Variants in GRID2 observed in about 807,000 individuals in gnomAD.
The protein encoded by GRID2 is glutamate receptor ionotropic, delta-2.
In GRID2, 33 loss-of-function variants were observed where a neutral mutation model predicts 114.8. That is an observed-to-expected ratio of 0.29 (90% CI 0.22 to 0.38). GRID2 has a LOEUF of 0.38. Among genes scored for constraint, GRID2 ranks in the 10% least tolerant of loss-of-function variants. GRID2 has a pLI of 1.00. For synonymous variants in GRID2, 505 were observed against 449.9 expected, an observed-to-expected ratio of 1.12 and a Z score of -1.55; for missense variants, 1,184 against 1,257.7, an observed-to-expected ratio of 0.94 and a Z score of 0.89.
intron 4 of GRID2, among the ~76,000 whole-genome samples, chr4:93,170,921 A>G (rs976284183): frequency 1.3e-5 from 2 of 151,956 alleles, no homozygotes; most frequent in African/African-American, 2.4e-5. Context: ...AAATATACTC[A>G]GAAAATAATG....
At position 93,560,222 on chromosome 4, in the gene GRID2, T is replaced by TAAAAAAAAAAAAAAAAA. The variant is rs70942974; in HGVS notation, c.2193+44826_2193+44842dup. On this transcript the variant is annotated intron_variant, in intron 13 of 15. Coordinates refer to ENST00000282020, the MANE Select transcript of GRID2 (RefSeq NM_001510.4). The stretch of plus-strand genomic sequence containing the variant: ...TACGCATGTATTCCAGAACTTAAAG[T>TAAAAAAAAAAAAAAAAA]AAAAAAAAAAAAAAAAAAAAAAAAA... 5.1e-3 allele frequency among the ~76,000 whole-genome samples: 218 copies of TAAAAAAAAAAAAAAAAA among 42,956 alleles called. 15 individuals are homozygous for TAAAAAAAAAAAAAAAAA. The highest frequency in any genetic ancestry group is 0.026 in the Middle Eastern group (1 of 38). 28.2% of individuals were successfully genotyped at this position (42,956 alleles called of 152,430 possible). A position where few individuals can be genotyped will look rare whatever the true frequency, so the allele number is the denominator to read the frequency against.
chr4:93,487,995 G>C (rs1418662615), intron 11 of GRID2, among the ~76,000 whole-genome samples: 7 of 151,812 alleles, frequency 4.6e-5, no homozygotes, highest in Non-Finnish European at 1.0e-4. Context: ...TCCTTGAGTT[G>C]CAATTTTTAT....
At chr4:92,345,087 A>C (rs1727698275) in intron 1 of GRID2, among the ~76,000 whole-genome samples, 1 of 152,132 alleles carries the variant, frequency 6.6e-6, no homozygotes, top group Non-Finnish European at 1.5e-5. Context: ...ATTCTTATAC[A>C]TTTACAACTT....
chr4:93,043,295 C>G (rs950377161), intron 2 of GRID2, among the ~76,000 whole-genome samples: 1 of 152,146 alleles, frequency 6.6e-6, no homozygotes, highest in African/African-American at 2.4e-5. Flanking sequence ...GATTGACCTT[C>G]TACCAGGTTT....
chr4:93,218,085 A>C (rs992103915), intron 6 of GRID2, among the ~76,000 whole-genome samples: 1 of 152,020 alleles, frequency 6.6e-6, no homozygotes, highest in African/African-American at 2.4e-5. Flanking sequence ...AATTTTTAAA[A>C]AAGGATTTGC....
intron 3 of GRID2, among the ~76,000 whole-genome samples, chr4:93,107,133 T>C (rs559152052): frequency 6.6e-6 from 1 of 152,218 alleles, no homozygotes; most frequent in South Asian, 2.1e-4. Flanking sequence ...ACCCTGTCTC[T>C]ACCGAAAATA....
intron 8 of GRID2, among the ~76,000 whole-genome samples, chr4:93,262,174 G>A (rs1750327379): frequency 6.6e-6 from 1 of 151,774 alleles, no homozygotes; most frequent in South Asian, 2.1e-4. Flanking sequence ...TAAGAATTTG[G>A]TTTCAGGCTT....
At position 92,935,212 on chromosome 4, in the gene GRID2, A is replaced by C. The variant is rs545306758; in HGVS notation, c.245-149783A>C. Among the ~76,000 whole-genome samples, 1,290 of 146,716 alleles carry C rather than the reference A, an allele frequency of 8.8e-3. 52 individuals are homozygous for C. Among genetic ancestry groups the C allele is most frequent in the African/African-American group, 0.03 (1,229 of 41,250 alleles). Reference sequence around the variant, plus strand: ...TACAAGAAAAAAACAACCCCATCAAAAAGTGGGCAAAGGACATGAACAGAC... The same window carrying C: ...TACAAGAAAAAAACAACCCCATCAACAAGTGGGCAAAGGACATGAACAGAC... On this transcript the variant is annotated intron_variant, in intron 2 of 15. Transcript: ENST00000282020.
intron 2 of GRID2, among the ~76,000 whole-genome samples, chr4:92,976,686 A>G (rs1024853779): frequency 2.0e-5 from 3 of 152,128 alleles, no homozygotes; most frequent in Admixed American, 6.6e-5. Context: ...GCCATTTGGT[A>G]TTATCTCTAT....
intron 13 of GRID2, among the ~76,000 whole-genome samples, chr4:93,597,294 T>C (rs939548115): frequency 2.0e-5 from 3 of 152,192 alleles, no homozygotes; most frequent in African/African-American, 7.2e-5. Flanking sequence ...TTTTATATAT[T>C]TTGATAAGCT....
intron 1 of GRID2, among the ~76,000 whole-genome samples, chr4:92,571,330 T>C (rs1333824200): frequency 6.6e-6 from 1 of 152,078 alleles, no homozygotes; most frequent in African/African-American, 2.4e-5. Context: ...CAAGAAGAGC[T>C]AACTATCCTA....
intron 1 of GRID2, among the ~76,000 whole-genome samples, chr4:92,445,264 A>C (rs554617953): frequency 6.6e-6 from 1 of 152,310 alleles, no homozygotes; most frequent in Non-Finnish European, 1.5e-5. Context: ...CTCTTGCCCT[A>C]GAATTAGTTT....
intron 1 of GRID2, among the ~76,000 whole-genome samples, chr4:92,562,232 G>A (rs1251541761): frequency 6.6e-6 from 1 of 152,052 alleles, no homozygotes; most frequent in Non-Finnish European, 1.5e-5. Flanking sequence ...TTAGACTGAG[G>A]CCATTGCAAT....
intron 1 of GRID2, among the ~76,000 whole-genome samples, chr4:92,496,751 T>C (rs1460758003): frequency 6.6e-6 from 1 of 151,740 alleles, no homozygotes; most frequent in Admixed American, 6.6e-5. Flanking sequence ...TTAATACTTA[T>C]GCTAAAACAG....
rs57285537 is a variant in GRID2, at chr4:93,163,356, GTATATATATATATATATATATATA to G, written c.736-44027_736-44004del. Among the ~76,000 whole-genome samples the G allele has an allele frequency of 9.6e-4, 54 of 56,256 alleles. 1 individual carries two copies. The highest frequency in any genetic ancestry group is 5.9e-3 in the East Asian group (12 of 2,044). 36.9% of individuals were successfully genotyped at this position (56,256 alleles called of 152,430 possible). A position where few individuals can be genotyped will look rare whatever the true frequency, so the allele number is the denominator to read the frequency against. On this transcript the variant is annotated intron_variant, in intron 4 of 15. Transcript: ENST00000282020. ...TTTCCACTTCTGATTTTTTTTTTGT[GTATATATATATATATATATATATA>G]TATATATATATATATATATACACTA...
intron 8 of GRID2, among the ~76,000 whole-genome samples, chr4:93,367,848 G>T (rs544049699): frequency 7.4e-4 from 112 of 152,244 alleles, no homozygotes; most frequent in African/African-American, 2.4e-3. Flanking sequence ...TGTCACGATT[G>T]TGAGTGTTGG....
intron 11 of GRID2, among the ~76,000 whole-genome samples, chr4:93,464,937 C>G (rs1021561881): frequency 1.7e-4 from 26 of 152,130 alleles, no homozygotes; most frequent in Non-Finnish European, 1.0e-4. Flanking sequence ...TTTAGCATGT[C>G]CTAAAAGTAT....
intron 12 of GRID2, among the ~76,000 whole-genome samples, chr4:93,506,945 T>C (rs1728692517): frequency 6.6e-6 from 1 of 152,328 alleles, no homozygotes; most frequent in East Asian, 1.9e-4. Flanking sequence ...TTGCTGTCTC[T>C]GGGTTCCTCC....
chr4:93,575,880 C>T (rs1419439680), intron 13 of GRID2, among the ~76,000 whole-genome samples: 3 of 152,090 alleles, frequency 2.0e-5, no homozygotes, highest in Non-Finnish European at 4.4e-5. Flanking sequence ...TGCATTCTCA[C>T]AAGTTAGTGA....
Sources: allele counts gnomAD v4.1 joint callset (sites outside exome capture counted in the v4.1 genomes callset), GRCh38; gene constraint gnomAD v4.1.1; transcripts MANE v1.5; gene names NCBI Gene and HGNC (gene_info 2026-07-23, HGNC 2026-07-21).